Variants in STYXL1 observed in about 807,000 individuals in gnomAD.
STYXL1 encodes the protein serine/threonine/tyrosine interacting like 1.
A neutral mutation model predicts 36.4 loss-of-function variants in STYXL1; 32 were observed. The ratio of observed to expected loss-of-function variants is 0.88; its 90% CI spans 0.66 to 1.18. The LOEUF (loss-of-function observed/expected upper bound fraction) is 1.18, where lower values mean the gene tolerates loss of function less well. Among genes scored for constraint, STYXL1 ranks in the 50% most tolerant of loss-of-function variants. The probability of loss-of-function intolerance (pLI) is 0.00; values close to 1 mark genes in which losing one functional copy is unlikely to be tolerated. For missense variants in STYXL1, 354 were observed against 394.1 expected (o/e 0.90, Z 0.86); for synonymous variants, 133 against 144.1 (o/e 0.92, Z 0.55).
rs564377210 is a variant in STYXL1 at position 76,035,610 on chromosome 7, C to T, written c.-4-5083G>A. Among the ~76,000 whole-genome samples the T allele has an allele frequency of 2.2e-4, 33 of 149,938 alleles. 1 individual carries two copies. Among genetic ancestry groups the T allele is most frequent in the African/African-American group, 8.0e-4 (33 of 41,160 alleles). ...ATCTCCTCACTCCCACCCCCCAAGT[C>T]AGGTTCCACATCCTCTGCCTCTGAA... On this transcript the variant is annotated intron_variant, in intron 1 of 8. Transcript: ENST00000359697.
At chr7:76,013,103 T>C (rs1792779573) in intron 5 of STYXL1, among the ~76,000 whole-genome samples, 1 of 152,120 alleles carries the variant, frequency 6.6e-6, no homozygotes, top group Non-Finnish European at 1.5e-5. Context: ...GGCAGGTGGA[T>C]CACTTGAGGT....
intron 4 of STYXL1, among the ~76,000 whole-genome samples, chr7:76,019,617 T>C (rs1313536149): frequency 6.6e-6 from 1 of 151,936 alleles, no homozygotes; most frequent in Non-Finnish European, 1.5e-5. Context: ...TCTGCTTCCA[T>C]ATTGAATTTT....
At chr7:75,999,484 T>C (rs1005698381) in intron 8 of STYXL1, among the ~76,000 whole-genome samples, 1 of 141,914 alleles carries the variant, frequency 7.0e-6, no homozygotes, top group African/African-American at 2.6e-5. Context: ...AGATGGTAAT[T>C]TTTTTGTTGT....
In STYXL1 at chr7:76,028,062, A is replaced by T. The variant is rs141302216; in HGVS notation, c.165+580T>A. Among the ~76,000 whole-genome samples the T allele has an allele frequency of 7.6e-3, 1,153 of 151,868 alleles. 12 individuals carry two copies. The highest frequency in any genetic ancestry group is 0.024 in the African/African-American group (1,009 of 41,432). ...ATATATATATATTTTTTAGACCAAC[A>T]CTCACTCTGTTGCCCAGGCTAGAGT... On this transcript the variant is annotated intron_variant, in intron 3 of 8. Transcript: ENST00000359697.
chr7:75,999,868 A>AT (rs531218617), intron 8 of STYXL1, among the ~76,000 whole-genome samples: 2 of 151,834 alleles, frequency 1.3e-5, no homozygotes, highest in African/African-American at 4.8e-5. Context: ...TTTAACCACA[A>AT]TTTTTTTTAA....
At chr7:76,024,394 G>A (rs1419248195) in intron 3 of STYXL1, among the ~76,000 whole-genome samples, 6 of 152,158 alleles carry the variant, frequency 3.9e-5, no homozygotes, top group African/African-American at 1.4e-4. Flanking sequence ...TGAGGAGGGA[G>A]GACTGCTTGA....
In STYXL1 at chr7:76,005,267, T is replaced by G; in HGVS notation, c.591A>C (p.Thr197=). 6.4e-7 allele frequency: 1 copy of G among 1,572,794 alleles called. No individual in the cohort carries two copies. Among genetic ancestry groups the G allele is most frequent in the Non-Finnish European group, 8.7e-7 (1 of 1,151,990 alleles). The change falls in exon 6 of 9, where the codon ACA becomes ACC. Residue 197 remains threonine, a synonymous_variant. Transcript: ENST00000359697. ...AGTTTCTCTTTACTTACAAGGGCCC[T>G]GTATCCATGGAGACATTGACATGGG... ...IKAHVNVSMD[T]GPFFAGDADK... is the part of the protein sequence containing the mutation.
chr7:76,016,508 T>C (rs367966056), intron 4 of STYXL1, among the ~76,000 whole-genome samples: 1 of 151,638 alleles, frequency 6.6e-6, no homozygotes, highest in Admixed American at 6.6e-5. Context: ...CACACACACA[T>C]ATATATATCT....
chr7:76,023,867 G>A (rs184114817), intron 3 of STYXL1, among the ~76,000 whole-genome samples: 1,767 of 152,182 alleles, frequency 0.012, 12 homozygotes, highest in Non-Finnish European at 0.018. Flanking sequence ...ACAAAAATTA[G>A]CCAGGTGTGG....
chr7:76,036,182 C>A (rs1251473893), intron 1 of STYXL1, among the ~76,000 whole-genome samples: 2 of 150,046 alleles, frequency 1.3e-5, no homozygotes, highest in Non-Finnish European at 3.0e-5. Flanking sequence ...CTCACTGTAA[C>A]CTCCACCTCC....
rs1554578951 is a variant in STYXL1 at position 76,030,495 on chromosome 7, G to A, written c.29C>T (p.Thr10Ile). Residue 10 changes from threonine to isoleucine, a missense_variant, in exon 2 of 9, where the codon ACA becomes ATA. Transcript: ENST00000359697. MPGLLLCEP[T>I]ELYNILNQAT... The stretch of plus-strand genomic sequence containing the variant: ...CTGATTCAGGATGTTGTAAAGCTCT[G>A]TTGGTTCACATAAAAGCAAACCAGG... 6.2e-7 allele frequency: 1 copy of A among 1,613,740 alleles called. No individual in the cohort carries two copies. Among genetic ancestry groups the A allele is most frequent in the East Asian group, 2.2e-5 (1 of 44,882 alleles).
At chr7:76,009,285 C>A (rs1792236118) in intron 5 of STYXL1, among the ~76,000 whole-genome samples, 1 of 147,006 alleles carries the variant, frequency 6.8e-6, no homozygotes, top group Admixed American at 7.0e-5. Context: ...CGCCCCCTCC[C>A]GAGTGTTCCC....
intron 1 of STYXL1, among the ~76,000 whole-genome samples, chr7:76,042,169 T>G (rs1796530414): frequency 6.6e-6 from 1 of 152,134 alleles, no homozygotes; most frequent in African/African-American, 2.4e-5. Context: ...ACACAGCAAG[T>G]ACACATTACA....
chr7:76,037,938 T>C (rs1554581097), intron 1 of STYXL1, among the ~76,000 whole-genome samples: 1 of 150,152 alleles, frequency 6.7e-6, no homozygotes, highest in Non-Finnish European at 1.5e-5. Context: ...CAGGCATCAA[T>C]GCCCTCACCT....
intron 4 of STYXL1, among the ~76,000 whole-genome samples, chr7:76,018,643 G>A (rs970909806): frequency 6.6e-6 from 1 of 152,086 alleles, no homozygotes; most frequent in Admixed American, 6.6e-5. Flanking sequence ...CTCCCGCCTT[G>A]GCCTTCCAAA....
chr7:75,999,270 T>C (rs1482305889), intron 8 of STYXL1: 1 of 153,938 alleles, frequency 6.5e-6, no homozygotes, highest in African/African-American at 2.4e-5. Context: ...TATTCAGCCT[T>C]AAAAGGAAGG....
chr7:76,006,297 C>T (rs1254475319), intron 5 of STYXL1, among the ~76,000 whole-genome samples: 1 of 151,980 alleles, frequency 6.6e-6, no homozygotes, highest in African/African-American at 2.4e-5. Context: ...AAGCTGTCCT[C>T]GAACTCCTGG....
At chr7:76,034,920 C>T (rs971940792) in intron 1 of STYXL1, among the ~76,000 whole-genome samples, 10 of 152,222 alleles carry the variant, frequency 6.6e-5, no homozygotes, top group African/African-American at 2.4e-4. Flanking sequence ...TTTATCCCAC[C>T]TTGACCTGTC....
intron 8 of STYXL1, chr7:76,000,546 G>C (rs1554566679): frequency 4.2e-6 from 2 of 473,834 alleles, no homozygotes; most frequent in South Asian, 3.1e-5. Context: ...GAGATAGACG[G>C]GAGTGGGTGG....
Sources: gnomAD v4.1 joint callset for allele counts (sites outside exome capture counted in the v4.1 genomes callset) on GRCh38, gnomAD v4.1.1 for gene constraint, MANE v1.5 for transcripts, NCBI Gene and HGNC (gene_info 2026-07-23, HGNC 2026-07-21) for gene names.